CAMKK1: variants seen among roughly 807,000 people sequenced by gnomAD.
CAMKK1 encodes the protein calcium/calmodulin dependent protein kinase kinase 1, also known as calcium/calmodulin-dependent protein kinase kinase 1.
A neutral mutation model predicts 63.5 loss-of-function variants in CAMKK1; 20 were observed. That is an observed-to-expected ratio of 0.32 (90% CI 0.22 to 0.46). The LOEUF is 0.46. Ranked by LOEUF, CAMKK1 falls within the 20% of genes least tolerant of loss-of-function variation. The probability of loss-of-function intolerance (pLI) is 1.00; values close to 1 mark genes in which losing one functional copy is unlikely to be tolerated. For missense variants in CAMKK1, 588 were observed against 658.1 expected (o/e 0.89, Z 1.17); for synonymous variants, 253 against 269.0 (o/e 0.94, Z 0.58).
Position 3,876,469 on chromosome 17 carries a change from G to A in CAMKK1, c.797-47C>T, listed in dbSNP as rs374879530. 2.0e-6 allele frequency: 3 copies of A among 1,534,784 alleles called. No individual in the cohort carries two copies. The African/African-American group carries it at 4.1e-5, about 21-fold the overall frequency. ...GCTGAGCGCTGGCCTGGGCACCGCT[G>A]GCCAGGACCCCACACCCGTCCTTGC... On this transcript the variant is annotated intron_variant, in intron 9 of 15. Coordinates refer to ENST00000348335, the MANE Select transcript of CAMKK1 (RefSeq NM_032294.3).
intron 14 of CAMKK1, among the ~76,000 whole-genome samples, chr17:3,866,297 A>C (rs2054521667): frequency 6.6e-6 from 1 of 152,210 alleles, no homozygotes; most frequent in Non-Finnish European, 1.5e-5. Flanking sequence ...CCAGGGCTGG[A>C]AGTGGGAGTC....
At chr17:3,874,863 T>TGGGCGTG (rs1209240017) in intron 10 of CAMKK1, among the ~76,000 whole-genome samples, 1 of 151,490 alleles carries the variant, frequency 6.6e-6, no homozygotes, top group Non-Finnish European at 1.5e-5. Flanking sequence ...GGCTCACACC[T>TGGGCGTG]GTAATCCCAG....
rs1369330552 is a variant in CAMKK1, at chr17:3,882,226, G to A, written c.685+302C>T. ...CTGAGGCACAGAGCTACAGTGTCTG[G>A]GAACCCATGCAGCCTGCTTCCTGCA... On this transcript the variant is annotated intron_variant, in intron 7 of 15. Coordinates refer to ENST00000348335, the MANE Select transcript of CAMKK1 (RefSeq NM_032294.3). The surrounding 1 kb of genome is among the most constrained non-coding windows in gnomAD (Gnocchi z 4.3). 4 of 1,502,968 alleles carry A rather than the reference G, an allele frequency of 2.7e-6. No individual in the cohort carries two copies. Among genetic ancestry groups the A allele is most frequent in the South Asian group, 1.2e-5 (1 of 85,176 alleles). 93.1% of individuals were successfully genotyped at this position (1,502,968 alleles called of 1,614,324 possible).
chr17:3,880,029 C>A, intron 9 of CAMKK1: 1 of 355,876 alleles, frequency 2.8e-6, no homozygotes, highest in Non-Finnish European at 5.3e-6. Context: ...CCTTCCTTCC[C>A]ACATCTCTTG....
chr17:3,889,756 C>A lies in CAMKK1; in HGVS notation c.-44+3183G>T, dbSNP rs866919998. Reference sequence around the variant, plus strand: ...TTCCTCCCAGGCTGTGCCCCACCCCCCAAGCGTCTGGCCACTCCCAAGGAA... The same window carrying A: ...TTCCTCCCAGGCTGTGCCCCACCCCACAAGCGTCTGGCCACTCCCAAGGAA... On this transcript the variant is annotated intron_variant, in intron 1 of 15. Coordinates refer to ENST00000348335, the MANE Select transcript of CAMKK1 (RefSeq NM_032294.3). The surrounding 1 kb of genome is among the most constrained non-coding windows in gnomAD (Gnocchi z 5.2). Among the ~76,000 whole-genome samples the A allele has an allele frequency of 6.6e-6, 1 of 152,182 alleles. No individual in the cohort carries two copies. The highest frequency in any genetic ancestry group is 6.5e-5 in the Admixed American group (1 of 15,278).
At chr17:3,875,893 C>T (rs552392365) in intron 10 of CAMKK1, among the ~76,000 whole-genome samples, 2 of 152,278 alleles carry the variant, frequency 1.3e-5, no homozygotes, top group East Asian at 3.9e-4. Flanking sequence ...CCTGCCATGT[C>T]CCAAGATCTG....
At chr17:3,864,430 T>TA (rs1185115165) in intron 15 of CAMKK1, among the ~76,000 whole-genome samples, 1 of 151,924 alleles carries the variant, frequency 6.6e-6, no homozygotes, top group Non-Finnish European at 1.5e-5. Context: ...GTATTTTTAG[T>TA]AGAGACGGGG....
rs1692640883 is a variant in CAMKK1, at chr17:3,862,816, C to G, written c.1446-533G>C. Among the ~76,000 whole-genome samples, 1 of 152,026 alleles carries G rather than the reference C, an allele frequency of 6.6e-6. No homozygotes were observed. Among genetic ancestry groups the G allele is most frequent in the African/African-American group, 2.4e-5 (1 of 41,402 alleles). On this transcript the variant is annotated intron_variant, in intron 15 of 15. Coordinates refer to ENST00000348335, the MANE Select transcript of CAMKK1 (RefSeq NM_032294.3). This position sits in a 1 kb window ranked among gnomAD's most constrained non-coding sequence, Gnocchi z 4.1. ...AGCTAATTTTTGTATTTTTTTATCTCTATAAAAACAGGGTTTCACCATGTT... is the reference window on the plus strand; with the variant it reads ...AGCTAATTTTTGTATTTTTTTATCTGTATAAAAACAGGGTTTCACCATGTT...
chr17:3,875,471 GA>G (rs1192514654), intron 10 of CAMKK1, among the ~76,000 whole-genome samples: 1 of 151,322 alleles, frequency 6.6e-6, no homozygotes, highest in Non-Finnish European at 1.5e-5. Flanking sequence ...TTTTTTTGTA[GA>G]AATGGGGTCT....
intron 11 of CAMKK1, 63 bp from the exon 12 acceptor site, chr17:3,872,690 A>G (rs1463039881): frequency 7.0e-7 from 1 of 1,437,462 alleles, no homozygotes; most frequent in Non-Finnish European, 9.8e-7. Context: ...CCAGGGGATC[A>G]ACCCCCCTCC....
Position 3,883,083 on chromosome 17 carries a change from G to C in CAMKK1, c.607C>G (p.Leu203Val). The stretch of plus-strand genomic sequence containing the variant: ...ACATTCACGTGGTCCAGCTTCTTCA[G>C]GATGGCAATCTCCTGGTACACCCGC... ...LERVYQEIAI[L>V]KKLDHVNVVK... Residue 203 changes from leucine to valine, a missense_variant, in exon 6 of 16, where the codon CTG becomes GTG. Leu to Val is a conservative substitution (Grantham distance 32). This residue lies in a region of CAMKK1 where 357 missense variants were observed against 407.4 expected (regional missense o/e 0.88). Coordinates refer to ENST00000348335, the MANE Select transcript of CAMKK1 (RefSeq NM_032294.3). This position sits in a 1 kb window ranked among gnomAD's most constrained non-coding sequence, Gnocchi z 4.7. 6.2e-7 allele frequency: 1 copy of C among 1,613,926 alleles called. No individual in the cohort carries two copies.
chr17:3,882,630 C>T lies in CAMKK1; in HGVS notation c.649-66G>A. 6.8e-7 allele frequency: 1 copy of T among 1,472,308 alleles called. No individual in the cohort carries two copies. Among genetic ancestry groups the T allele is most frequent in the South Asian group, 1.2e-5 (1 of 82,886 alleles). The allele number at this position is 1,472,308 out of a possible 1,614,324, so 91.2% of individuals were successfully genotyped here. A position where few individuals can be genotyped will look rare whatever the true frequency, so the allele number is the denominator to read the frequency against. ...GCGTGGGGTTGGAGGTCCCAGGCCT[C>T]CTGGTCCTTGCCAGCCCCAGAACCC... On this transcript the variant is annotated intron_variant, in intron 6 of 15. Coordinates refer to ENST00000348335, the MANE Select transcript of CAMKK1 (RefSeq NM_032294.3). This position sits in a 1 kb window ranked among gnomAD's most constrained non-coding sequence, Gnocchi z 4.3.
At chr17:3,867,377 G>A (rs1409964891) in intron 14 of CAMKK1, among the ~76,000 whole-genome samples, 1 of 152,184 alleles carries the variant, frequency 6.6e-6, no homozygotes, top group Non-Finnish European at 1.5e-5. Context: ...GAAAAACAGG[G>A]CGGGTGGTGG....
chr17:3,871,326 GTTTTTTGTTTTTTTTTTTTTGTTTTTT>G (rs2054838131), intron 12 of CAMKK1, among the ~76,000 whole-genome samples: 6 of 69,080 alleles, frequency 8.7e-5, no homozygotes, highest in Non-Finnish European at 1.4e-4. Flanking sequence ...TTTGTTTGTT[GTTTTTTGTTTTTTTTTTTTTGTTTTTT>G]TTTTTTTTTT....
At position 3,882,815 on chromosome 17, in the gene CAMKK1, G is replaced by A. The variant is rs542460612; in HGVS notation, c.648+227C>T. Among the ~76,000 whole-genome samples the A allele has an allele frequency of 5.4e-4, 82 of 152,254 alleles. 1 individual carries two copies. The South Asian group carries it at 0.016, about 30-fold the overall frequency. ...AATGAGGGGCTCACTTCTTGCCTCT[G>A]GGGCAGCCCCTCACCCTCCATGGGA... On this transcript the variant is annotated intron_variant, in intron 6 of 15. Coordinates refer to ENST00000348335, the MANE Select transcript of CAMKK1 (RefSeq NM_032294.3). The surrounding 1 kb of genome is among the most constrained non-coding windows in gnomAD (Gnocchi z 4.3).
rs1224506861 is a variant in CAMKK1, at chr17:3,862,274, C to T, written c.1455G>A (p.Gly485=). ...SAPGNLLVKE[G]FGEGGKSPEL... Reference sequence around the variant, plus strand: ...CTGGGCTCTTGCCCCCTTCACCAAACCCTTCTTTCCTGTTCAGGGGACACC... The same window carrying T: ...CTGGGCTCTTGCCCCCTTCACCAAATCCTTCTTTCCTGTTCAGGGGACACC... Residue 485 remains glycine (G), a synonymous_variant, in exon 16 of 16, where the codon GGG becomes GGA. Transcript: ENST00000348335. The surrounding 1 kb of genome is among the most constrained non-coding windows in gnomAD (Gnocchi z 4.1). 14 of 1,584,690 alleles carry T rather than the reference C, an allele frequency of 8.8e-6. No individual in the cohort carries two copies. Among genetic ancestry groups the T allele is most frequent in the African/African-American group, 1.3e-5 (1 of 74,272 alleles).
In CAMKK1 at chr17:3,885,554, G is replaced by A. The variant is rs751745026; in HGVS notation, c.134C>T (p.Pro45Leu). ...PEPTRNGVDP[P>L]PRARAASVIP... ...CACAGAGGCAGCTCTGGCCCGTGGT[G>A]GGGGGTCCACACCGTTTCTAGTAGG... The change falls in exon 2 of 16, where the codon CCA becomes CTA. Residue 45 changes from proline to leucine, a missense_variant. Pro to Leu is a moderately conservative substitution (Grantham distance 98). Around this residue, in one of 3 missense-constraint regions of CAMKK1, gnomAD observed 357 missense variants for 407.4 expected, o/e 0.88. Transcript: ENST00000348335. 5 of 1,613,834 alleles carry A rather than the reference G, an allele frequency of 3.1e-6. No homozygotes were observed. Among genetic ancestry groups the A allele is most frequent in the South Asian group, 1.1e-5 (1 of 91,092 alleles).
intron 12 of CAMKK1, among the ~76,000 whole-genome samples, chr17:3,871,127 C>T (rs1023356463): frequency 6.6e-6 from 1 of 152,018 alleles, no homozygotes; most frequent in East Asian, 1.9e-4. Flanking sequence ...CCAGCAGCAG[C>T]GAGACCAGGG....
At chr17:3,877,977 C>G (rs1226662048) in intron 9 of CAMKK1, among the ~76,000 whole-genome samples, 1 of 151,868 alleles carries the variant, frequency 6.6e-6, no homozygotes, top group Non-Finnish European at 1.5e-5. Context: ...CCAACAAAAT[C>G]AAAACAAAGC....
Sources: gnomAD v4.1 joint callset for allele counts (sites outside exome capture counted in the v4.1 genomes callset) on GRCh38, gnomAD v4.1.1 for gene constraint, gnomAD v4.1.1 regional missense constraint, Gnocchi (gnomAD v3.1) non-coding constraint, MANE v1.5 for transcripts, NCBI Gene and HGNC (gene_info 2026-07-23, HGNC 2026-07-21) for gene names.